Variants in SERAC1 observed in about 807,000 individuals in gnomAD.
SERAC1 encodes the protein serine active site containing 1, also known as protein SERAC1.
A neutral mutation model predicts 85.7 loss-of-function variants in SERAC1; 36 were observed. The observed-to-expected ratio is 0.42, with a 90% CI of 0.32 to 0.55. SERAC1 has a LOEUF of 0.55. Ranked by LOEUF, SERAC1 falls within the 20% of genes least tolerant of loss-of-function variation. The pLI is 0.11. For synonymous variants in SERAC1, 242 were observed against 265.3 expected (o/e 0.91, Z 0.85); for missense variants, 629 against 796.2 (o/e 0.79, Z 2.53).
At chr6:158,163,102 A>G (rs1470642819) in intron 1 of SERAC1, among the ~76,000 whole-genome samples, 1 of 152,200 alleles carries the variant, frequency 6.6e-6, no homozygotes, top group Non-Finnish European at 1.5e-5. Flanking sequence ...AATGAAGCCA[A>G]CAAGTACCAA....
At chr6:158,138,235 C>T (rs1457056552) in intron 8 of SERAC1, among the ~76,000 whole-genome samples, 1 of 152,074 alleles carries the variant, frequency 6.6e-6, no homozygotes, top group Non-Finnish European at 1.5e-5. Flanking sequence ...GAGTTCGAGA[C>T]CAGCCTGACC....
Position 158,111,104 on chromosome 6 carries a change from A to T in SERAC1, c.*262T>A, listed in dbSNP as rs1784132349. The T allele has an allele frequency of 4.0e-6, 1 of 251,546 alleles. No homozygotes were observed. Among genetic ancestry groups the T allele is most frequent in the Admixed American group, 5.2e-5 (1 of 19,368 alleles). 15.6% of individuals were successfully genotyped at this position (251,546 alleles called of 1,614,324 possible). On this transcript the variant is annotated 3_prime_UTR_variant, in exon 17 of 17. Coordinates refer to ENST00000647468, the MANE Select transcript of SERAC1 (RefSeq NM_032861.4). The stretch of plus-strand genomic sequence containing the variant: ...CTTTGCTCCAGTCACCAAGCCCAAC[A>T]CTGCGAACCATAAAGCAGCACACAG...
intron 2 of SERAC1, among the ~76,000 whole-genome samples, chr6:158,157,102 T>C (rs886386322): frequency 5.3e-5 from 8 of 151,268 alleles, no homozygotes; most frequent in African/African-American, 1.7e-4. Context: ...GTTGAAGCGA[T>C]CCTCCTGCCT....
chr6:158,125,474 G>C (rs1446251082), intron 10 of SERAC1, among the ~76,000 whole-genome samples: 1 of 152,070 alleles, frequency 6.6e-6, no homozygotes, highest in Non-Finnish European at 1.5e-5. Flanking sequence ...CTCCAGAACT[G>C]AGACACAATA....
At chr6:158,167,676 G>A (rs547716917) in intron 1 of SERAC1, among the ~76,000 whole-genome samples, 3 of 152,130 alleles carry the variant, frequency 2.0e-5, no homozygotes, top group Non-Finnish European at 2.9e-5. Flanking sequence ...CAGACTTGGG[G>A]AAAGGGAGTA....
chr6:158,167,524 C>T (rs1480704973), intron 1 of SERAC1, among the ~76,000 whole-genome samples: 1 of 130,006 alleles, frequency 7.7e-6, no homozygotes, highest in Admixed American at 9.2e-5. Context: ...GCAGACAGAC[C>T]GAGACTCCAT....
Position 158,111,261 on chromosome 6 carries a change from G to T in SERAC1, c.*105C>A. On this transcript the variant is annotated 3_prime_UTR_variant, in exon 17 of 17. Transcript: ENST00000647468. ...GCAACACACTCCAGACCATGTTGAC[G>T]CTATGATCACTATGTTTGCATGATT... 2 of 1,088,294 alleles carry T rather than the reference G, an allele frequency of 1.8e-6. No homozygotes were observed. Among genetic ancestry groups the T allele is most frequent in the Non-Finnish European group, 2.6e-6 (2 of 767,260 alleles). The allele number at this position is 1,088,294 out of a possible 1,614,324, so 67.4% of individuals were successfully genotyped here.
Position 158,158,340 on chromosome 6 carries a change from G to A in SERAC1, c.24C>T (p.Val8=), listed in dbSNP as rs747262429. 1.3e-5 allele frequency: 21 copies of A among 1,613,574 alleles called. No homozygotes were observed. The highest frequency in any genetic ancestry group is 1.7e-5 in the Non-Finnish European group (20 of 1,179,660). ...AGGTTCCTATTCTTCTGCAACAGAT[G>A]ACGCAATAAGCAGCCAGGGACATTC... is the stretch of plus-strand genomic sequence containing the variant. The part of the protein sequence containing the change: MSLAAYC[V]ICCRRIGTST... Residue 8 remains valine, a synonymous_variant, in exon 2 of 17, where the codon GTC becomes GTT. Transcript: ENST00000647468.
Position 158,158,360 on chromosome 6 carries a change from A to C in SERAC1, c.4T>G (p.Ser2Ala). The change falls in exon 2 of 17, where the codon TCC becomes GCC. Residue 2 changes from serine to alanine, a missense_variant. Transcript: ENST00000647468. M[S>A]LAAYCVICCR... Reference sequence around the variant, plus strand: ...CAGATGACGCAATAAGCAGCCAGGGACATTCTGTGTAAGTAGAACAATTAC... The same window carrying C: ...CAGATGACGCAATAAGCAGCCAGGGCCATTCTGTGTAAGTAGAACAATTAC... The C allele has an allele frequency of 6.2e-7, 1 of 1,611,630 alleles. No individual in the cohort carries two copies. Among genetic ancestry groups the C allele is most frequent in the Non-Finnish European group, 8.5e-7 (1 of 1,177,938 alleles).
At position 158,144,352 on chromosome 6, in the gene SERAC1, C is replaced by T. The variant is rs1210314327; in HGVS notation, c.556G>A (p.Glu186Lys). ...AGGAGAAAAAAGCGAAGATCACTCT[C>T]TTCGCTTCGTGCCAAACCAATAAGA... is the stretch of plus-strand genomic sequence containing the variant. ...KTLIGLARSE[E>K]SDLRFFLLPP... Residue 186 changes from glutamate to lysine, a missense_variant, in exon 7 of 17, where the codon GAG (glutamate) becomes AAG (lysine). Coordinates refer to ENST00000647468, the MANE Select transcript of SERAC1 (RefSeq NM_032861.4). 1 of 1,613,534 alleles carries T rather than the reference C, an allele frequency of 6.2e-7. No individual in the cohort carries two copies. The highest frequency in any genetic ancestry group is 8.5e-7 in the Non-Finnish European group (1 of 1,179,680).
At position 158,120,611 on chromosome 6, in the gene SERAC1, G is replaced by T. The variant is rs1784397384; in HGVS notation, c.1016-36C>A. ...GTACACATATCCTAAATACTGATGTGAATCCATCGCAGACCACAGAGAGAG... is the reference window on the plus strand; with the variant it reads ...GTACACATATCCTAAATACTGATGTTAATCCATCGCAGACCACAGAGAGAG... On this transcript the variant is annotated intron_variant, in intron 10 of 16. Coordinates refer to ENST00000647468, the MANE Select transcript of SERAC1 (RefSeq NM_032861.4). This position sits in a 1 kb window ranked among gnomAD's most constrained non-coding sequence, Gnocchi z 4.4. 2 of 1,601,024 alleles carry T rather than the reference G, an allele frequency of 1.2e-6. No homozygotes were observed. Among genetic ancestry groups the T allele is most frequent in the Admixed American group, 1.7e-5 (1 of 58,328 alleles).
chr6:158,135,790 T>C (rs1231181201), intron 8 of SERAC1, among the ~76,000 whole-genome samples: 1 of 152,000 alleles, frequency 6.6e-6, no homozygotes, highest in Non-Finnish European at 1.5e-5. Flanking sequence ...ATATAACAAA[T>C]GGGATAAAAT....
In SERAC1 at chr6:158,111,430, G is replaced by C. The variant is rs1174295989; in HGVS notation, c.1901C>G (p.Ala634Gly). The C allele has an allele frequency of 1.2e-6, 2 of 1,611,864 alleles. No homozygotes were observed. The highest frequency in any genetic ancestry group is 2.2e-5 in the East Asian group (1 of 44,810). ...LNICKPKKKD[A>G]FLYQRTLQFI... ...TTGTAAAGTACGCTGGTACAAAAAAGCATCCTTTTTCTTTGGCTTACAAAT... is the reference window on the plus strand; with the variant it reads ...TTGTAAAGTACGCTGGTACAAAAAACCATCCTTTTTCTTTGGCTTACAAAT... Residue 634 changes from alanine (A) to glycine (G), a missense_variant, in exon 17 of 17, where the codon GCT (alanine) becomes GGT (glycine). Transcript: ENST00000647468.
chr6:158,139,045 C>T (rs1784859256), intron 8 of SERAC1, among the ~76,000 whole-genome samples: 1 of 152,006 alleles, frequency 6.6e-6, no homozygotes. Flanking sequence ...GAAGCTGGGA[C>T]CACAGGCACA....
At chr6:158,118,971 T>C (rs898685683) in intron 12 of SERAC1, 58 bp downstream of exon 12, 199 of 1,560,478 alleles carry the variant, frequency 1.3e-4, no homozygotes, top group Non-Finnish European at 1.1e-4. Flanking sequence ...CAAGCCACAA[T>C]CAGGGCCCCA....
At chr6:158,129,678 A>G (rs770342480) in intron 9 of SERAC1, among the ~76,000 whole-genome samples, 1 of 148,232 alleles carries the variant, frequency 6.7e-6, no homozygotes, top group Non-Finnish European at 1.5e-5. Flanking sequence ...GTCATCTAAT[A>G]TTTCCTTGTT....
In SERAC1 at chr6:158,113,611, C is replaced by T. The variant is rs1784200190; in HGVS notation, c.1685-19G>A. ...GGAGAATCTGTAAAATTATACAGAA[C>T]AAGACTGTGACAAGTTGTTTACCCA... On this transcript the variant is annotated intron_variant, in intron 15 of 16. Transcript: ENST00000647468. 29 of 1,592,256 alleles carry T rather than the reference C, an allele frequency of 1.8e-5. No individual in the cohort carries two copies. Among genetic ancestry groups the T allele is most frequent in the Non-Finnish European group, 2.2e-5 (26 of 1,165,518 alleles).
At chr6:158,142,728 G>A (rs957090036) in intron 8 of SERAC1, among the ~76,000 whole-genome samples, 6 of 152,184 alleles carry the variant, frequency 3.9e-5, no homozygotes, top group African/African-American at 1.4e-4. Context: ...ACCCACCTCG[G>A]CCTCCCAACG....
chr6:158,135,752 G>C (rs1784778814), intron 8 of SERAC1, among the ~76,000 whole-genome samples: 2 of 152,196 alleles, frequency 1.3e-5, no homozygotes, highest in South Asian at 4.1e-4. Context: ...TATACCTGCA[G>C]AGAGATGGAA....
Sources: gnomAD v4.1 joint callset for allele counts (sites outside exome capture counted in the v4.1 genomes callset) on GRCh38, gnomAD v4.1.1 for gene constraint, Gnocchi (gnomAD v3.1) non-coding constraint, MANE v1.5 for transcripts, NCBI Gene and HGNC (gene_info 2026-07-23, HGNC 2026-07-21) for gene names.